ANKRD17: variants seen among roughly 807,000 people sequenced by gnomAD.
ANKRD17 encodes ankyrin repeat domain 17, also known as ankyrin repeat domain-containing protein 17.
In ANKRD17, 19 loss-of-function variants were observed where a neutral mutation model predicts 229.7. That is an observed-to-expected ratio of 0.08 (90% CI 0.06 to 0.12). The LOEUF is 0.12. Among genes scored for constraint, ANKRD17 ranks in the 10% least tolerant of loss-of-function variants. The pLI, the probability that ANKRD17 is intolerant of heterozygous loss-of-function variation, is 1.00. For synonymous variants in ANKRD17, 1,112 were observed against 1,146.1 expected (o/e 0.97, Z 0.60); for missense variants, 2,176 against 3,176.8 (o/e 0.68, Z 7.57).
chr4:73,152,619 G>A (rs1022190560), intron 6 of ANKRD17, among the ~76,000 whole-genome samples: 3 of 152,222 alleles, frequency 2.0e-5, no homozygotes, highest in Non-Finnish European at 4.4e-5. Context: ...GCAGGGTGGG[G>A]CTACAAGCAA....
chr4:73,136,466 C>T (rs1018782218), intron 15 of ANKRD17, among the ~76,000 whole-genome samples: 1 of 152,032 alleles, frequency 6.6e-6, no homozygotes, highest in Admixed American at 6.6e-5. Context: ...CACAAACATA[C>T]ACTATACATT....
At chr4:73,218,065 G>A (rs1038095570) in intron 1 of ANKRD17, among the ~76,000 whole-genome samples, 3 of 152,116 alleles carry the variant, frequency 2.0e-5, no homozygotes, top group African/African-American at 4.8e-5. Flanking sequence ...GTATACACAC[G>A]CGTATGCTGG....
intron 1 of ANKRD17, among the ~76,000 whole-genome samples, chr4:73,219,003 GTGAGC>G (rs1384534144): frequency 6.6e-6 from 1 of 152,102 alleles, no homozygotes; most frequent in Non-Finnish European, 1.5e-5. Context: ...AGAGGTTGCA[GTGAGC>G]TGAGATAAGA....
chr4:73,202,079 A>C (rs573391792), intron 1 of ANKRD17, among the ~76,000 whole-genome samples: 1 of 152,292 alleles, frequency 6.6e-6, no homozygotes, highest in South Asian at 2.1e-4. Context: ...TTGCCACAGC[A>C]CAGTAGGTCT....
At chr4:73,099,251 C>T (rs543830481) in intron 25 of ANKRD17, 101 of 558,834 alleles carry the variant, frequency 1.8e-4, no homozygotes, top group Non-Finnish European at 2.6e-4. Flanking sequence ...CTCACCATCA[C>T]CACTGCCTCC....
chr4:73,141,618 T>C, intron 14 of ANKRD17, 123 bp downstream of exon 14: 1 of 836,666 alleles, frequency 1.2e-6, no homozygotes, highest in Non-Finnish European at 1.9e-6. Context: ...GCTTTTATCA[T>C]GGGTTAAAAA....
chr4:73,139,894 G>A lies in ANKRD17; in HGVS notation c.2722C>T (p.His908Tyr). The change falls in exon 15 of 34, where the codon CAC becomes TAC. Residue 908 changes from histidine (H) to tyrosine (Y), a missense_variant. By Grantham distance (83) the His-to-Tyr change is moderately conservative. Coordinates refer to ENST00000358602, the MANE Select transcript of ANKRD17 (RefSeq NM_032217.5). ...CCAACAGGAGTTAGTAATCCCAGGT[G>A]TTGGCAAGACTGTTGCTGCTGTTGC... ...LQQQQQQSCQ[H>Y]LGLLTPVGVG... is the part of the protein sequence containing the mutation. 6.2e-7 allele frequency: 1 copy of A among 1,614,222 alleles called. No individual in the cohort carries two copies.
Position 73,096,007 on chromosome 4 carries a change from T to G in ANKRD17, c.5177+1110A>C, listed in dbSNP as rs144436802. On this transcript the variant is annotated intron_variant, in intron 27 of 33. Transcript: ENST00000358602. ...TGTCAGGCCCGAATTCCTGATAAGC[T>G]GATTAAACAATATTTCTAAAAGAAA... is the stretch of plus-strand genomic sequence containing the variant. 1.3e-4 allele frequency among the ~76,000 whole-genome samples: 20 copies of G among 152,270 alleles called. No homozygotes were observed. The East Asian group carries it at 3.9e-3, about 29-fold the overall frequency.
chr4:73,209,340 C>T (rs1739942345), intron 1 of ANKRD17, among the ~76,000 whole-genome samples: 2 of 152,126 alleles, frequency 1.3e-5, no homozygotes, highest in Admixed American at 1.3e-4. Flanking sequence ...TATCACAAAT[C>T]CTGTCATTAT....
chr4:73,110,930 T>C (rs113784919), intron 24 of ANKRD17, among the ~76,000 whole-genome samples: 131 of 152,350 alleles, frequency 8.6e-4, no homozygotes, highest in African/African-American at 2.9e-3. Flanking sequence ...TTCTCTTGAC[T>C]TCTCTTAAAA....
chr4:73,241,712 A>G (rs934687833), intron 1 of ANKRD17, among the ~76,000 whole-genome samples: 135 of 152,284 alleles, frequency 8.9e-4, no homozygotes, highest in African/African-American at 3.0e-3. Flanking sequence ...ATGTAAGGAA[A>G]AAATATTTAC....
At chr4:73,178,302 G>C (rs190216617) in intron 1 of ANKRD17, among the ~76,000 whole-genome samples, 34 of 152,190 alleles carry the variant, frequency 2.2e-4, no homozygotes, top group African/African-American at 7.5e-4. Context: ...TAAAAAAATT[G>C]CAGTTATTTT....
chr4:73,134,517 C>A (rs763530742), intron 16 of ANKRD17, among the ~76,000 whole-genome samples: 21 of 152,128 alleles, frequency 1.4e-4, no homozygotes, highest in Non-Finnish European at 4.4e-5. Context: ...TGGTCAACTA[C>A]TTTTTAATAA....
rs1560502101 is a variant in ANKRD17, at chr4:73,090,700, G to A, written c.6928C>T (p.Pro2310Ser). Residue 2310 changes from proline (P) to serine (S), a missense_variant, in exon 29 of 34, where the codon CCA becomes TCA. Physicochemically the swap from Pro to Ser is moderately conservative, Grantham distance 74. This residue lies in a region of ANKRD17 where 424 missense variants were observed against 454.0 expected (regional missense o/e 0.93). Coordinates refer to ENST00000358602, the MANE Select transcript of ANKRD17 (RefSeq NM_032217.5). ...CTTGGAGCAGGTCTCTGTAATGGTG[G>A]TCTAAAACCTGGAGCTTTGGAAGTA... The part of the protein sequence containing the change: ...SDTSKAPGFR[P>S]PLQRPAPSPS... The A allele has an allele frequency of 1.2e-6, 2 of 1,614,166 alleles. No individual in the cohort carries two copies. The highest frequency in any genetic ancestry group is 1.7e-6 in the Non-Finnish European group (2 of 1,180,016).
intron 1 of ANKRD17, among the ~76,000 whole-genome samples, chr4:73,195,785 G>C (rs1004617854): frequency 2.6e-5 from 4 of 152,112 alleles, no homozygotes; most frequent in African/African-American, 9.7e-5. Context: ...GGGATTACAG[G>C]CATGAGCCAC....
At chr4:73,239,403 A>C (rs1306417303) in intron 1 of ANKRD17, among the ~76,000 whole-genome samples, 1 of 152,180 alleles carries the variant, frequency 6.6e-6, no homozygotes, top group Non-Finnish European at 1.5e-5. Flanking sequence ...ATTTCCATAA[A>C]CTGGAAAGCA....
intron 1 of ANKRD17, among the ~76,000 whole-genome samples, chr4:73,258,044 C>T (rs188469318): frequency 5.6e-4 from 84 of 148,792 alleles, no homozygotes; most frequent in African/African-American, 2.0e-3. Flanking sequence ...TGATAACAGG[C>T]TGTTCACCAA....
intron 1 of ANKRD17, chr4:73,222,969 C>T (rs1042547947): frequency 1.3e-6 from 2 of 1,531,920 alleles, no homozygotes; most frequent in East Asian, 2.4e-5. Flanking sequence ...CAAACCTAGC[C>T]CTACCTCAAG....
chr4:73,201,581 G>T (rs756577124), intron 1 of ANKRD17, among the ~76,000 whole-genome samples: 1 of 152,002 alleles, frequency 6.6e-6, no homozygotes, highest in South Asian at 2.1e-4. Flanking sequence ...TGAACTGAAA[G>T]GAAATGTATC....
Sources: allele counts gnomAD v4.1 joint callset (sites outside exome capture counted in the v4.1 genomes callset), GRCh38; gene constraint gnomAD v4.1.1; regional missense constraint gnomAD v4.1.1; transcripts MANE v1.5; gene names NCBI Gene and HGNC (gene_info 2026-07-23, HGNC 2026-07-21).